ZNF710: variants seen among roughly 807,000 people sequenced by gnomAD.
ZNF710 encodes the protein zinc finger protein 710.
ZNF710 carries 13 observed loss-of-function variants against 50.6 expected under a neutral mutation model. That is an observed-to-expected ratio of 0.26 (90% confidence interval 0.17 to 0.41). The LOEUF (loss-of-function observed/expected upper bound fraction) is 0.41. Among genes scored for constraint, ZNF710 ranks in the 10% least tolerant of loss-of-function variants. The probability of loss-of-function intolerance (pLI) is 1.00; values close to 1 mark genes in which losing one functional copy is unlikely to be tolerated. For synonymous variants in ZNF710, 383 were observed against 397.0 expected (o/e 0.96, Z 0.42); for missense variants, 721 against 936.6 (o/e 0.77, Z 3.01).
chr15:90,019,959 G>A (rs550045952), intron 1 of ZNF710, among the ~76,000 whole-genome samples: 2 of 152,134 alleles, frequency 1.3e-5, no homozygotes, highest in Admixed American at 6.5e-5. Context: ...ATTGGGGGGC[G>A]GTGAGTGGGG....
chr15:90,054,666 G>T (rs770726863), intron 1 of ZNF710, among the ~76,000 whole-genome samples: 2 of 152,236 alleles, frequency 1.3e-5, no homozygotes, highest in Non-Finnish European at 2.9e-5. Flanking sequence ...TGGTCCTATT[G>T]TTACTTCCTT....
At chr15:90,065,908 A>G (rs1900156280) in intron 1 of ZNF710, among the ~76,000 whole-genome samples, 1 of 152,142 alleles carries the variant, frequency 6.6e-6, no homozygotes, top group Non-Finnish European at 1.5e-5. Context: ...TCTCTAATCA[A>G]AAAGAAAGAA....
intron 1 of ZNF710, among the ~76,000 whole-genome samples, chr15:90,022,408 G>A (rs1359730270): frequency 6.6e-6 from 1 of 152,142 alleles, no homozygotes; most frequent in Non-Finnish European, 1.5e-5. Flanking sequence ...AGGAGGCATG[G>A]GGGACTCAAA....
upstream of ZNF710, among the ~76,000 whole-genome samples, chr15:89,999,105 G>C (rs932978817): frequency 2.6e-5 from 4 of 152,142 alleles, no homozygotes; most frequent in African/African-American, 9.7e-5. Context: ...GGGGCCTTTG[G>C]ACAGACTGTT....
In ZNF710 at chr15:90,073,994, AAAAAAC is replaced by A. The variant is rs1243491819; in HGVS notation, c.1651-116_1651-111del. On this transcript the variant is annotated intron_variant, in intron 3 of 4. Transcript: ENST00000268154. ...AACAGAGTGAGAGTCTGTCTCAAAA[AAAAAAC>A]AAAAAAAAAAAACAAAAGAATAGGA... 9.8e-5 allele frequency: 112 copies of A among 1,142,088 alleles called. 1 individual carries two copies. Among genetic ancestry groups the A allele is most frequent in the African/African-American group, 7.7e-4 (45 of 58,302 alleles). The allele number at this position is 1,142,088 out of a possible 1,614,324, so 70.7% of individuals were successfully genotyped here.
At chr15:90,077,251 T>G (rs2151540926) in intron 4 of ZNF710, among the ~76,000 whole-genome samples, 1 of 147,592 alleles carries the variant, frequency 6.8e-6, no homozygotes, top group East Asian at 2.0e-4. Context: ...TTTTTTTTTT[T>G]TTTTTTTTTT....
rs1040581388 is a variant in ZNF710 at position 90,062,366 on chromosome 15, G to A, written c.-28-4744G>A. ...CGAGGGCATCCTGGTGGGAGGCCAC[G>A]CCACATCCCAGCCAGTGGTCGCCCC... On this transcript the variant is annotated intron_variant, in intron 1 of 4. Coordinates refer to ENST00000268154, the MANE Select transcript of ZNF710 (RefSeq NM_198526.4). This position sits in a 1 kb window ranked among gnomAD's most constrained non-coding sequence, Gnocchi z 5.6. Among the ~76,000 whole-genome samples the A allele has an allele frequency of 7.8e-4, 119 of 152,280 alleles. No homozygotes were observed. Among genetic ancestry groups the A allele is most frequent in the African/African-American group, 2.7e-3 (112 of 41,546 alleles).
chr15:90,051,065 C>G (rs1036811218), intron 1 of ZNF710, among the ~76,000 whole-genome samples: 4 of 151,384 alleles, frequency 2.6e-5, no homozygotes, highest in Non-Finnish European at 4.4e-5. Context: ...ATGGTGAAAC[C>G]CCATCTCTAC....
chr15:90,073,091 C>A lies in ZNF710; in HGVS notation c.1479C>A (p.Cys493Ter), dbSNP rs895612281. The change falls in exon 3 of 5, where the codon TGC becomes TGA. Residue 493 changes from cysteine to a stop codon, truncating the protein, a stop_gained. Transcript: ENST00000268154. LOFTEE classifies it high-confidence loss of function. ...LTHKGVKEFK[C>*]EVCGREFTLQ... ...CACAGGGCGTGAAGGAGTTCAAGTG[C>A]GAGGTGTGTGGCCGGGAGTTCACCC... is the stretch of plus-strand genomic sequence containing the variant. 6.2e-7 allele frequency: 1 copy of A among 1,613,882 alleles called. No homozygotes were observed. The highest frequency in any genetic ancestry group is 8.5e-7 in the Non-Finnish European group (1 of 1,179,912).
intron 1 of ZNF710, among the ~76,000 whole-genome samples, chr15:90,055,209 C>T (rs1314422994): frequency 6.6e-6 from 1 of 152,102 alleles, no homozygotes; most frequent in African/African-American, 2.4e-5. Context: ...TTTGAGATTG[C>T]ACAGGACCTG....
At chr15:90,073,300 G>T in intron 3 of ZNF710, 38 bp downstream of exon 3, 3 of 1,593,758 alleles carry the variant, frequency 1.9e-6, no homozygotes, top group South Asian at 1.1e-5. Context: ...GGACCTCCCC[G>T]AGGGTGGTCT....
intron 4 of ZNF710, among the ~76,000 whole-genome samples, chr15:90,076,804 C>A (rs1045881500): frequency 1.3e-5 from 2 of 151,766 alleles, no homozygotes; most frequent in Non-Finnish European, 2.9e-5. Context: ...AATCGCCCCA[C>A]CCCCATCCCA....
At chr15:90,045,379 A>G (rs1402720163) in intron 1 of ZNF710, 1 of 985,454 alleles carries the variant, frequency 1.0e-6, no homozygotes, top group Non-Finnish European at 1.2e-6. Context: ...GAGGTTAGAC[A>G]GTGACGGCTG....
chr15:90,011,131 T>C (rs1227621381), intron 1 of ZNF710, among the ~76,000 whole-genome samples: 1 of 152,144 alleles, frequency 6.6e-6, no homozygotes, highest in Non-Finnish European at 1.5e-5. Context: ...GGTTTCACCA[T>C]GTTGCCCAGG....
chr15:90,026,349 A>G (rs1227389076), intron 1 of ZNF710, among the ~76,000 whole-genome samples: 1 of 152,090 alleles, frequency 6.6e-6, no homozygotes, highest in East Asian at 1.9e-4. Flanking sequence ...CGTATGCACA[A>G]TCATAGGCAT....
intron 1 of ZNF710, among the ~76,000 whole-genome samples, chr15:90,044,174 T>C (rs1302979467): frequency 6.6e-6 from 1 of 152,194 alleles, no homozygotes; most frequent in Non-Finnish European, 1.5e-5. Flanking sequence ...TAGGGACCTG[T>C]TCGTCACACA....
intron 1 of ZNF710, among the ~76,000 whole-genome samples, chr15:90,055,054 G>A (rs116499141): frequency 0.012 from 1,757 of 152,338 alleles, 35 homozygotes; most frequent in African/African-American, 0.04. Flanking sequence ...AACAGGCAAG[G>A]TCTCTGCCCT....
At chr15:90,056,097 C>T (rs1442195287) in intron 1 of ZNF710, among the ~76,000 whole-genome samples, 5 of 145,578 alleles carry the variant, frequency 3.4e-5, no homozygotes, top group Non-Finnish European at 7.5e-5. Flanking sequence ...GCCTGGGCAA[C>T]AGAGCAAGAC....
chr15:90,060,077 A>G (rs1280749385), intron 1 of ZNF710, among the ~76,000 whole-genome samples: 1 of 136,324 alleles, frequency 7.3e-6, no homozygotes, highest in South Asian at 2.5e-4. Flanking sequence ...CACGGAAGCC[A>G]GTCCTCAGTC....
Sources: allele counts gnomAD v4.1 joint callset (sites outside exome capture counted in the v4.1 genomes callset), GRCh38; gene constraint gnomAD v4.1.1; non-coding constraint Gnocchi (gnomAD v3.1); transcripts MANE v1.5; gene names NCBI Gene and HGNC (gene_info 2026-07-23, HGNC 2026-07-21).